The following NRXN3 variants were observed in gnomAD, a reference collection of about 807,000 sequenced individuals.
The protein encoded by NRXN3 is neurexin III.
Under a neutral mutation model 137.6 loss-of-function variants are expected in NRXN3, and 32 were observed. The ratio of observed to expected loss-of-function variants is 0.23; its 90% CI spans 0.18 to 0.31. NRXN3 has a LOEUF of 0.31. Among genes scored for constraint, NRXN3 ranks in the 10% least tolerant of loss-of-function variants. The pLI is 1.00. For missense variants in NRXN3, 1,574 were observed against 2,062.5 expected (o/e 0.76, Z 4.59); for synonymous variants, 798 against 784.5 (o/e 1.02, Z -0.29).
chr14:78,487,535 G>A (rs80164805), intron 4 of NRXN3, among the ~76,000 whole-genome samples: 3,506 of 152,192 alleles, frequency 0.023, 136 homozygotes, highest in East Asian at 0.13. Context: ...TTGAGGTCAG[G>A]AGTTCAAGAC....
intron 19 of NRXN3, among the ~76,000 whole-genome samples, chr14:79,752,975 A>G (rs1337131631): frequency 4.6e-5 from 7 of 152,158 alleles, no homozygotes; most frequent in Non-Finnish European, 1.0e-4. Context: ...AAAAATGCTC[A>G]TCATCACTGG....
At chr14:78,382,454 A>G (rs140040522) in intron 4 of NRXN3, among the ~76,000 whole-genome samples, 122 of 152,280 alleles carry the variant, frequency 8.0e-4, no homozygotes, top group African/African-American at 2.1e-3. Flanking sequence ...AACTTCAGGG[A>G]AAGATATTAA....
At chr14:79,083,114 A>G (rs1357788648) in intron 15 of NRXN3, among the ~76,000 whole-genome samples, 1 of 152,208 alleles carries the variant, frequency 6.6e-6, no homozygotes, top group Non-Finnish European at 1.5e-5. Context: ...TTTATTTTCC[A>G]TCAGTGGTAC....
intron 15 of NRXN3, among the ~76,000 whole-genome samples, chr14:79,095,590 G>A (rs958585088): frequency 9.2e-5 from 14 of 151,714 alleles, no homozygotes; most frequent in South Asian, 4.2e-4. Flanking sequence ...TGCTTTAGGT[G>A]TTGAAGATAA....
At chr14:78,314,944 T>TTTCTTTCTTTCA in intron 4 of NRXN3, among the ~76,000 whole-genome samples, 1 of 76,160 alleles carries the variant, frequency 1.3e-5, no homozygotes, top group Non-Finnish European at 2.5e-5. Context: ...TCTTTCTTTC[T>TTTCTTTCTTTCA]TCCTTCCTTC....
intron 4 of NRXN3, among the ~76,000 whole-genome samples, chr14:78,331,469 A>T (rs2080809897): frequency 6.6e-6 from 1 of 152,218 alleles, no homozygotes; most frequent in Admixed American, 6.5e-5. Context: ...CAAGATGCAA[A>T]CATGCAAAGC....
intron 19 of NRXN3, among the ~76,000 whole-genome samples, chr14:79,708,388 C>T (rs117939221): frequency 0.01 from 1,582 of 151,922 alleles, 8 homozygotes; most frequent in Non-Finnish European, 0.017. Flanking sequence ...GTCCTGGAAC[C>T]AATCAATCCC....
chr14:78,506,454 G>A (rs1567787801), intron 4 of NRXN3, among the ~76,000 whole-genome samples: 1 of 151,948 alleles, frequency 6.6e-6, no homozygotes, highest in Non-Finnish European at 1.5e-5. Flanking sequence ...GGGATTGCTG[G>A]ATCATATGGT....
intron 19 of NRXN3, among the ~76,000 whole-genome samples, chr14:79,773,117 G>A (rs958957974): frequency 6.6e-5 from 10 of 152,268 alleles, no homozygotes; most frequent in African/African-American, 2.4e-4. Context: ...TCATTAAAAA[G>A]TCAGGAAACA....
intron 4 of NRXN3, among the ~76,000 whole-genome samples, chr14:78,339,391 C>T (rs1301483848): frequency 6.6e-6 from 1 of 152,130 alleles, no homozygotes; most frequent in Non-Finnish European, 1.5e-5. Flanking sequence ...CCACATCATT[C>T]CATAGCTCTG....
chr14:79,131,539 A>G (rs2057477782), intron 15 of NRXN3, among the ~76,000 whole-genome samples: 1 of 152,232 alleles, frequency 6.6e-6, no homozygotes, highest in African/African-American at 2.4e-5. Context: ...GCCCGTTTTC[A>G]GATCTCTAGC....
intron 1 of NRXN3, among the ~76,000 whole-genome samples, chr14:78,173,435 G>A (rs2058934844): frequency 1.3e-5 from 2 of 151,238 alleles, no homozygotes; most frequent in Non-Finnish European, 3.0e-5. Context: ...GGAGAGATGG[G>A]GGACGGGTTG....
At chr14:78,408,468 G>T (rs2092632955) in intron 4 of NRXN3, among the ~76,000 whole-genome samples, 1 of 152,194 alleles carries the variant, frequency 6.6e-6, no homozygotes, top group Non-Finnish European at 1.5e-5. Context: ...GAAAATGCTT[G>T]CTTTCTTTGG....
chr14:79,600,143 G>C (rs547180826), intron 16 of NRXN3, among the ~76,000 whole-genome samples: 1 of 152,376 alleles, frequency 6.6e-6, no homozygotes, highest in Admixed American at 6.5e-5. Flanking sequence ...GCTGAGGTTT[G>C]AAGTTTCAAT....
At chr14:79,520,431 G>T (rs2097052391) in intron 16 of NRXN3, among the ~76,000 whole-genome samples, 1 of 152,092 alleles carries the variant, frequency 6.6e-6, no homozygotes, top group Admixed American at 6.6e-5. Flanking sequence ...TTCACCTAAT[G>T]CTGTCCCTCC....
chr14:78,804,114 C>T (rs567377210), intron 9 of NRXN3, among the ~76,000 whole-genome samples: 19 of 152,240 alleles, frequency 1.2e-4, no homozygotes, highest in African/African-American at 2.6e-4. Flanking sequence ...GTGTAAAACA[C>T]GCTACTTTGG....
intron 15 of NRXN3, among the ~76,000 whole-genome samples, chr14:79,346,754 C>T (rs1350960812): frequency 6.6e-6 from 1 of 152,174 alleles, no homozygotes; most frequent in Non-Finnish European, 1.5e-5. Flanking sequence ...CCAGGGTTCA[C>T]TTACATCTCG....
rs112422323 is a variant in NRXN3 at position 79,158,352 on chromosome 14, A to T, written c.3262+170211A>T. ...TGAATATCTAATAGTGAGATTAATGAGTTGGTTAATGTGGTATCAATTTAG... is the reference window on the plus strand; with the variant it reads ...TGAATATCTAATAGTGAGATTAATGTGTTGGTTAATGTGGTATCAATTTAG... On this transcript the variant is annotated intron_variant, in intron 15 of 20. Coordinates refer to ENST00000335750, the MANE Select transcript of NRXN3 (RefSeq NM_001330195.2). Among the ~76,000 whole-genome samples the T allele has an allele frequency of 1.7e-3, 258 of 151,932 alleles. 1 individual carries two copies. Among genetic ancestry groups the T allele is most frequent in the African/African-American group, 5.6e-3 (233 of 41,512 alleles).
intron 1 of NRXN3, among the ~76,000 whole-genome samples, chr14:78,172,672 A>C (rs549525263): frequency 6.6e-6 from 1 of 152,238 alleles, no homozygotes; most frequent in Non-Finnish European, 1.5e-5. Context: ...AAGGCTGGAC[A>C]CTGGAAGTTC....
Sources: allele counts gnomAD v4.1 joint callset (sites outside exome capture counted in the v4.1 genomes callset), GRCh38; gene constraint gnomAD v4.1.1; transcripts MANE v1.5; gene names NCBI Gene and HGNC (gene_info 2026-07-23, HGNC 2026-07-21).